FRMD1: variants seen among roughly 807,000 people sequenced by gnomAD.
FRMD1 encodes FERM domain containing 1, also known as FERM domain-containing protein 1.
In FRMD1, 51 loss-of-function variants were observed where a neutral mutation model predicts 54.9. The ratio of observed to expected loss-of-function variants is 0.93; its 90% CI spans 0.74 to 1.17. The LOEUF is 1.17. Among genes scored for constraint, FRMD1 ranks in the 50% most tolerant of loss-of-function variants. The pLI, the probability that FRMD1 is intolerant of heterozygous loss-of-function variation, is 0.00. For synonymous variants in FRMD1, 324 were observed against 306.4 expected (o/e 1.06, Z -0.60); for missense variants, 729 against 743.0 (o/e 0.98, Z 0.22).
At chr6:168,066,047 G>A (rs947617258) in intron 4 of FRMD1, 5 of 999,946 alleles carry the variant, frequency 5.0e-6, no homozygotes, top group Non-Finnish European at 6.0e-6. Flanking sequence ...ACTCCTGTCG[G>A]GGAAAGCTTC....
Position 168,075,916 on chromosome 6 carries a change from C to T in FRMD1, c.214-581G>A. The T allele has an allele frequency of 4.0e-6, 2 of 500,168 alleles. 1 individual carries two copies. The highest frequency in any genetic ancestry group is 7.0e-6 in the Non-Finnish European group (2 of 286,356). The allele number at this position is 500,168 out of a possible 1,614,324, so 31.0% of individuals were successfully genotyped here. A position where few individuals can be genotyped will look rare whatever the true frequency, so the allele number is the denominator to read the frequency against. On this transcript the variant is annotated intron_variant, in intron 1 of 10. Coordinates refer to ENST00000283309, the MANE Select transcript of FRMD1 (RefSeq NM_024919.6). ...CGTCCCGTGTCCACATTTCCGGTGC[C>T]CGGTGTCCACATTTCCGGTGCCCGG...
upstream of FRMD1, among the ~76,000 whole-genome samples, chr6:168,084,652 C>T (rs1177317974): frequency 3.3e-5 from 5 of 152,348 alleles, no homozygotes; most frequent in Admixed American, 6.5e-5. Context: ...CGGCTCCCTC[C>T]GTGAGAGCGC....
chr6:168,063,011 C>T (rs1239184496), intron 6 of FRMD1, 52 bp from the exon 7 acceptor site: 7 of 1,464,904 alleles, frequency 4.8e-6, no homozygotes, highest in Non-Finnish European at 6.7e-6. Context: ...TGCTGGGCCT[C>T]ACTGATGGCA....
chr6:168,067,978 G>A (rs939905100), intron 2 of FRMD1, among the ~76,000 whole-genome samples: 3 of 151,514 alleles, frequency 2.0e-5, no homozygotes, highest in African/African-American at 4.8e-5. Context: ...TGGGTGTGGC[G>A]GTGCATGCCT....
rs1261691979 is a variant in FRMD1, at chr6:168,063,739, C to G, written c.666G>C (p.Gly222=). The G allele has an allele frequency of 5.0e-6, 8 of 1,612,842 alleles. No individual in the cohort carries two copies. Among genetic ancestry groups the G allele is most frequent in the Middle Eastern group, 1.6e-4 (1 of 6,078 alleles). ...GCATGTGCCGGAGGATGTAGTCAAT[C>G]CCCCTCTTGGTGATGATCTGAGGAC... ...YFPQWIITKR[G]IDYILRHMPT... is the part of the protein sequence containing the mutation. Residue 222 remains glycine, a synonymous_variant, in exon 6 of 11, where the codon GGG becomes GGC. Transcript: ENST00000283309.
In FRMD1 at chr6:168,057,319, C is replaced by T. The variant is rs749850307; in HGVS notation, c.1428G>A (p.Gly476=). 7.4e-6 allele frequency: 12 copies of T among 1,611,474 alleles called. No homozygotes were observed. The highest frequency in any genetic ancestry group is 1.3e-5 in the African/African-American group (1 of 75,038). ...CATGGCTGTGCTGCTCCTCACTGAC[C>T]CCGGCTGTCATTTCCTGGATCTGCG... ...AVHQIQEMTA[G]VSEEQHSHGL... is the part of the protein sequence containing the mutation. The change falls in exon 11 of 11, where the codon GGG becomes GGA. Residue 476 remains glycine (G), a synonymous_variant. Transcript: ENST00000283309.
At position 168,061,887 on chromosome 6, in the gene FRMD1, T is replaced by G. The variant is rs1799757507; in HGVS notation, c.965A>C (p.His322Pro). The stretch of plus-strand genomic sequence containing the variant: ...GAGCTGGTGGCTGGCGCGCAGCAGG[T>G]GCAGCAGGTGCCTGGACCGCCAGGT... ...GCTWRSRHLLHLLRASHQLHL... is the reference protein window; with the variant it reads ...GCTWRSRHLLPLLRASHQLHL... Residue 322 changes from histidine (H) to proline (P), a missense_variant, in exon 8 of 11, where the codon CAC becomes CCC. Transcript: ENST00000283309. 5 of 1,592,886 alleles carry G rather than the reference T, an allele frequency of 3.1e-6. No individual in the cohort carries two copies. Among genetic ancestry groups the G allele is most frequent in the Non-Finnish European group, 4.3e-6 (5 of 1,171,206 alleles).
chr6:168,079,231 G>A (rs548178342), upstream of FRMD1: 5 of 1,413,122 alleles, frequency 3.5e-6, no homozygotes, highest in Middle Eastern at 2.4e-4. Flanking sequence ...AGCCTGGGCT[G>A]GGAATCCAGC....
upstream of FRMD1, among the ~76,000 whole-genome samples, chr6:168,085,125 G>C (rs1460754225): frequency 6.6e-6 from 1 of 152,264 alleles, no homozygotes; most frequent in South Asian, 2.1e-4. Flanking sequence ...GGAGCAGTCG[G>C]TTGGCCCCGA....
chr6:168,071,117 C>G (rs1177268380), intron 2 of FRMD1, among the ~76,000 whole-genome samples: 1 of 152,180 alleles, frequency 6.6e-6, no homozygotes, highest in African/African-American at 2.4e-5. Context: ...GGCTGGACAC[C>G]GGCACCCTTG....
chr6:168,078,829 TGCTCACC>T (rs1300410880), intron 1 of FRMD1, 46 bp downstream of exon 1: 61 of 1,149,100 alleles, frequency 5.3e-5, no homozygotes, highest in East Asian at 1.5e-4. Flanking sequence ...CCCGGAGCCC[TGCTCACC>T]CCCACAGCTC....
intron 2 of FRMD1, among the ~76,000 whole-genome samples, chr6:168,074,574 A>G (rs1263054625): frequency 2.3e-5 from 3 of 130,620 alleles, no homozygotes; most frequent in African/African-American, 6.0e-5. Flanking sequence ...TGGTTTGTGC[A>G]TGTGTACATG....
intron 2 of FRMD1, among the ~76,000 whole-genome samples, chr6:168,070,993 C>T (rs1055024584): frequency 2.0e-5 from 3 of 152,208 alleles, no homozygotes; most frequent in Non-Finnish European, 4.4e-5. Context: ...TCGGGACACA[C>T]CATGGAGTCC....
In FRMD1 at chr6:168,059,188, G is replaced by T; in HGVS notation, c.1343C>A (p.Ala448Asp). The change falls in exon 10 of 11, where the codon GCC (alanine) becomes GAC (aspartate). Residue 448 changes from alanine (A) to aspartate (D), a missense_variant and splice_region_variant. Coordinates refer to ENST00000283309, the MANE Select transcript of FRMD1 (RefSeq NM_024919.6). This position sits in a 1 kb window ranked among gnomAD's most constrained non-coding sequence, Gnocchi z 4.4. ...CTGGGTGCAGGGCTCCTGACGAGTG[G>T]CTGTGGGAGGAGGCAGCCGTGAGCA... ...SHPSTRGDSQ[A>D]TRQEPCTQVR... 1 of 1,583,296 alleles carries T rather than the reference G, an allele frequency of 6.3e-7. No individual in the cohort carries two copies.
chr6:168,060,349 G>C (rs1305381001), intron 9 of FRMD1, among the ~76,000 whole-genome samples: 1 of 120,578 alleles, frequency 8.3e-6, no homozygotes, highest in Non-Finnish European at 1.7e-5. Context: ...TTCCTTGGGA[G>C]GGGGGTTCTT....
rs1799958898 is a variant in FRMD1, at chr6:168,065,040, TGCCGTGCCCTGTGGTC to T, written c.463_478del (p.Asp155ThrfsTer7). Reference sequence around the variant, plus strand: ...CTCCTTCAAGTGGCAGTAGTACAGGTGCCGTGCCCTGTGGTCGCTGGAAGGTGGCAGGGAGTGAGTT... The same window carrying T: ...CTCCTTCAAGTGGCAGTAGTACAGGTGCTGGAAGGTGGCAGGGAGTGAGTT... On this transcript the variant is annotated frameshift_variant and splice_region_variant, in exon 5 of 11. Transcript: ENST00000283309. LOFTEE classifies it high-confidence loss of function. The T allele has an allele frequency of 6.2e-7, 1 of 1,603,820 alleles. No individual in the cohort carries two copies. Among genetic ancestry groups the T allele is most frequent in the Non-Finnish European group, 8.5e-7 (1 of 1,173,616 alleles).
At chr6:168,068,817 G>A (rs138551784) in intron 2 of FRMD1, among the ~76,000 whole-genome samples, 3 of 152,346 alleles carry the variant, frequency 2.0e-5, no homozygotes, top group African/African-American at 7.2e-5. Flanking sequence ...TAGCACATCT[G>A]CAGATAAATG....
At position 168,070,005 on chromosome 6, in the gene FRMD1, G is replaced by C. The variant is rs142624983; in HGVS notation, c.305-2559C>G. On this transcript the variant is annotated intron_variant, in intron 2 of 10. Transcript: ENST00000283309. ...TTTGGGAGGCAGAGGCAGGTGGATT[G>C]CATGAGCCCAGCAGTTTGAGACAGC... Among the ~76,000 whole-genome samples the C allele has an allele frequency of 8.2e-3, 1,255 of 152,214 alleles. 15 individuals carry two copies. Among genetic ancestry groups the C allele is most frequent in the African/African-American group, 0.029 (1,203 of 41,528 alleles).
At chr6:168,062,638 T>C in intron 7 of FRMD1, 1 of 1,540,914 alleles carries the variant, frequency 6.5e-7, no homozygotes, top group Admixed American at 2.0e-5. Flanking sequence ...CTGCCCAGGC[T>C]TTCCAGGGCA....
Sources: gnomAD v4.1 joint callset for allele counts (sites outside exome capture counted in the v4.1 genomes callset) on GRCh38, gnomAD v4.1.1 for gene constraint, Gnocchi (gnomAD v3.1) non-coding constraint, MANE v1.5 for transcripts, NCBI Gene and HGNC (gene_info 2026-07-23, HGNC 2026-07-21) for gene names.